Variants in EYA2 observed in about 807,000 individuals in gnomAD.
EYA2 encodes the protein protein phosphatase EYA2.
EYA2 carries 31 observed loss-of-function variants against 69.2 expected under a neutral mutation model. That is an observed-to-expected ratio of 0.45 (90% CI 0.34 to 0.60). The LOEUF (loss-of-function observed/expected upper bound fraction) is 0.60, where lower values mean the gene tolerates loss of function less well. EYA2 is among the 20% of genes least tolerant of loss of function. The pLI is 0.02. For synonymous variants in EYA2, 257 were observed against 279.4 expected, an observed-to-expected ratio of 0.92 and a Z score of 0.80; for missense variants, 622 against 701.2, an observed-to-expected ratio of 0.89 and a Z score of 1.28.
chr20:47,072,039 G>A, intron 5 of EYA2, 146 bp from the exon 6 acceptor site: 1 of 731,082 alleles, frequency 1.4e-6, no homozygotes, highest in Non-Finnish European at 2.4e-6. Context: ...ACGCTGGTGT[G>A]AGGCATTACC....
At chr20:47,097,415 G>C (rs1280526019) in intron 9 of EYA2, among the ~76,000 whole-genome samples, 1 of 152,152 alleles carries the variant, frequency 6.6e-6, no homozygotes, top group Non-Finnish European at 1.5e-5. Context: ...ACATTTACTT[G>C]ATAGGAAATA....
At chr20:47,112,165 T>A (rs2032762850) in intron 9 of EYA2, among the ~76,000 whole-genome samples, 1 of 152,024 alleles carries the variant, frequency 6.6e-6, no homozygotes, top group African/African-American at 2.4e-5. Flanking sequence ...AAGCCATGAC[T>A]ATTTAGGAGG....
intron 5 of EYA2, among the ~76,000 whole-genome samples, chr20:47,039,436 G>A (rs1316410246): frequency 6.6e-6 from 1 of 152,180 alleles, no homozygotes; most frequent in African/African-American, 2.4e-5. Flanking sequence ...AGGCAGAACT[G>A]GGTCATTGCA....
At chr20:47,139,946 A>G (rs2033560103) in intron 9 of EYA2, among the ~76,000 whole-genome samples, 1 of 152,186 alleles carries the variant, frequency 6.6e-6, no homozygotes, top group South Asian at 2.1e-4. Flanking sequence ...TTGCCTTCTT[A>G]CAACTATATA....
intron 5 of EYA2, among the ~76,000 whole-genome samples, chr20:47,071,393 C>A (rs952793455): frequency 3.3e-5 from 5 of 152,232 alleles, no homozygotes; most frequent in East Asian, 3.9e-4. Context: ...CTGAAACTAC[C>A]AAGTGCTGGA....
chr20:46,971,014 T>TTAGGAAAGCTCATTAGATGAGTC (rs1477699178), intron 1 of EYA2, among the ~76,000 whole-genome samples: 1 of 151,776 alleles, frequency 6.6e-6, no homozygotes, highest in East Asian at 1.9e-4. Flanking sequence ...TGTGATGAGT[T>TTAGGAAAGCTCATTAGATGAGTC]TAGGAAAGCT....
chr20:47,104,968 C>G (rs1303504780), intron 9 of EYA2, among the ~76,000 whole-genome samples: 2 of 152,146 alleles, frequency 1.3e-5, no homozygotes, highest in Non-Finnish European at 2.9e-5. Context: ...CTGCAGTGAA[C>G]CAAGATCATG....
chr20:46,901,232 C>T (rs1984090415), intron 1 of EYA2: 2 of 152,156 alleles, frequency 1.3e-5, no homozygotes, highest in South Asian at 4.2e-4. Flanking sequence ...GCAGATGTTT[C>T]CTACCTGGTA....
chr20:46,917,267 G>A (rs1390856107), intron 1 of EYA2, among the ~76,000 whole-genome samples: 1 of 152,194 alleles, frequency 6.6e-6, no homozygotes, highest in Non-Finnish European at 1.5e-5. Context: ...CAGAGTGCCA[G>A]GCACGCAGGA....
At chr20:46,960,866 C>G (rs898261672) in intron 1 of EYA2, among the ~76,000 whole-genome samples, 5 of 152,194 alleles carry the variant, frequency 3.3e-5, no homozygotes, top group Non-Finnish European at 7.3e-5. Context: ...GGCCCCTTCC[C>G]TGCTGGAGCA....
intron 8 of EYA2, among the ~76,000 whole-genome samples, chr20:47,091,125 C>T (rs1331043398): frequency 3.3e-5 from 5 of 152,148 alleles, no homozygotes; most frequent in Non-Finnish European, 7.3e-5. Context: ...TCACCTTTGT[C>T]ATTTCCTTAA....
intron 11 of EYA2, 94 bp downstream of exon 11, chr20:47,169,291 C>A: frequency 7.9e-7 from 1 of 1,260,512 alleles, no homozygotes; most frequent in Non-Finnish European, 1.2e-6. Context: ...AGGAGGGCTG[C>A]TTATAAGGAC....
chr20:47,108,660 C>T (rs2032659694), intron 9 of EYA2, among the ~76,000 whole-genome samples: 1 of 152,078 alleles, frequency 6.6e-6, no homozygotes, highest in Non-Finnish European at 1.5e-5. Context: ...CAACCTCAAC[C>T]TCCTGGGCTC....
chr20:47,046,200 A>T (rs1329444110), intron 5 of EYA2, among the ~76,000 whole-genome samples: 1 of 152,196 alleles, frequency 6.6e-6, no homozygotes, highest in East Asian at 1.9e-4. Flanking sequence ...GGCTTCTTTT[A>T]TAAGGGGCTT....
intron 10 of EYA2, among the ~76,000 whole-genome samples, chr20:47,158,575 A>C (rs561531978): frequency 3.8e-4 from 57 of 151,858 alleles, no homozygotes; most frequent in Non-Finnish European, 7.6e-4. Context: ...AGGAACGATG[A>C]CACCCTTGTA....
At chr20:47,177,350 G>C (rs543056427) in intron 12 of EYA2, among the ~76,000 whole-genome samples, 1 of 151,940 alleles carries the variant, frequency 6.6e-6, no homozygotes, top group Non-Finnish European at 1.5e-5. Context: ...TGGCTCAAGC[G>C]ATCCTCCCAC....
chr20:46,963,146 C>A (rs1456334553), intron 1 of EYA2, among the ~76,000 whole-genome samples: 2 of 152,238 alleles, frequency 1.3e-5, no homozygotes, highest in Admixed American at 1.3e-4. Context: ...TCGGCTCCTT[C>A]TGTTTCTCTT....
At chr20:47,147,286 T>C (rs1042979181) in intron 10 of EYA2, among the ~76,000 whole-genome samples, 1 of 152,054 alleles carries the variant, frequency 6.6e-6, no homozygotes, top group Non-Finnish European at 1.5e-5. Context: ...TGACCTCAAG[T>C]GATCCACCCT....
At chr20:46,959,988 G>T (rs915300133) in intron 1 of EYA2, among the ~76,000 whole-genome samples, 1 of 152,212 alleles carries the variant, frequency 6.6e-6, no homozygotes, top group African/African-American at 2.4e-5. Context: ...CACGAGAAGG[G>T]GTTGCATGGA....
Sources: gnomAD v4.1 joint callset for allele counts (sites outside exome capture counted in the v4.1 genomes callset) on GRCh38, gnomAD v4.1.1 for gene constraint, MANE v1.5 for transcripts, NCBI Gene and HGNC (gene_info 2026-07-23, HGNC 2026-07-21) for gene names.